Variants in CCSER1 observed in about 807,000 individuals in gnomAD.
CCSER1 encodes the protein serine-rich coiled-coil domain-containing protein 1.
In CCSER1, 41 loss-of-function variants were observed where a neutral mutation model predicts 82.0. That is an observed-to-expected ratio of 0.50 (90% CI 0.39 to 0.65). The LOEUF (loss-of-function observed/expected upper bound fraction) is 0.65. CCSER1 is among the 30% of genes least tolerant of loss of function. The pLI, the probability that CCSER1 is intolerant of heterozygous loss-of-function variation, is 0.00. For synonymous variants in CCSER1, 414 were observed against 383.9 expected (o/e 1.08, Z -0.92); for missense variants, 1,119 against 1,064.2 (o/e 1.05, Z -0.72).
chr4:91,084,683 T>C (rs1008881950), intron 9 of CCSER1, among the ~76,000 whole-genome samples: 1 of 152,142 alleles, frequency 6.6e-6, no homozygotes, highest in Non-Finnish European at 1.5e-5. Flanking sequence ...TAAACTGTTC[T>C]ATAAATTTAG....
At chr4:90,589,147 A>G (rs1782392763) in intron 5 of CCSER1, among the ~76,000 whole-genome samples, 1 of 152,198 alleles carries the variant, frequency 6.6e-6, no homozygotes, top group Non-Finnish European at 1.5e-5. Flanking sequence ...TATATGAGTC[A>G]AAGGGAGAAA....
At chr4:90,589,733 T>A (rs1402627831) in intron 5 of CCSER1, among the ~76,000 whole-genome samples, 2 of 152,162 alleles carry the variant, frequency 1.3e-5, no homozygotes, top group Admixed American at 1.3e-4. Flanking sequence ...AAATAATCAC[T>A]CAAGTTGTTT....
intron 9 of CCSER1, among the ~76,000 whole-genome samples, chr4:91,026,538 A>C (rs542758324): frequency 6.6e-6 from 1 of 152,228 alleles, no homozygotes; most frequent in African/African-American, 2.4e-5. Flanking sequence ...CATTATACCA[A>C]ACTACTTTGA....
At chr4:91,198,592 T>C (rs997766179) in intron 10 of CCSER1, among the ~76,000 whole-genome samples, 14 of 152,090 alleles carry the variant, frequency 9.2e-5, no homozygotes, top group Non-Finnish European at 2.1e-4. Flanking sequence ...ATCTGTGATA[T>C]ATACATCACA....
At chr4:91,118,335 G>C (rs1290265691) in intron 10 of CCSER1, among the ~76,000 whole-genome samples, 1 of 142,794 alleles carries the variant, frequency 7.0e-6, no homozygotes, top group Non-Finnish European at 1.5e-5. Context: ...GCTCAGGCTA[G>C]AGTGTAATGG....
chr4:91,479,116 T>C (rs1757749461), intron 10 of CCSER1, among the ~76,000 whole-genome samples: 1 of 151,400 alleles, frequency 6.6e-6, no homozygotes, highest in Non-Finnish European at 1.5e-5. Context: ...TAAGGATCTA[T>C]TTTGAAATTA....
intron 1 of CCSER1, among the ~76,000 whole-genome samples, chr4:90,228,382 G>C (rs1054337226): frequency 1.3e-5 from 2 of 152,120 alleles, no homozygotes; most frequent in Non-Finnish European, 2.9e-5. Flanking sequence ...TCACAGGGCT[G>C]GGTACTCCAA....
At chr4:91,355,692 T>C (rs1748779187) in intron 10 of CCSER1, among the ~76,000 whole-genome samples, 1 of 152,168 alleles carries the variant, frequency 6.6e-6, no homozygotes, top group African/African-American at 2.4e-5. Flanking sequence ...CGGCCATGCG[T>C]GGACCAGTCA....
At chr4:90,572,867 G>A (rs2148581220) in intron 5 of CCSER1, among the ~76,000 whole-genome samples, 1 of 152,226 alleles carries the variant, frequency 6.6e-6, no homozygotes, top group South Asian at 2.1e-4. Context: ...TGTCTGTTTG[G>A]TAATGTCTTG....
intron 1 of CCSER1, among the ~76,000 whole-genome samples, chr4:90,153,634 C>T (rs1368047656): frequency 6.6e-6 from 1 of 152,026 alleles, no homozygotes; most frequent in East Asian, 1.9e-4. Flanking sequence ...CTCTGATGGC[C>T]AGTGATGGTG....
chr4:90,765,671 C>G (rs1356136451), intron 7 of CCSER1, among the ~76,000 whole-genome samples: 1 of 151,848 alleles, frequency 6.6e-6, no homozygotes, highest in East Asian at 1.9e-4. Flanking sequence ...GCTATGGTTT[C>G]TTTGTTTCAG....
chr4:90,632,929 A>G (rs1227048884), intron 6 of CCSER1, among the ~76,000 whole-genome samples: 1 of 152,078 alleles, frequency 6.6e-6, no homozygotes, highest in African/African-American at 2.4e-5. Flanking sequence ...GTCAGGCTAA[A>G]ATGATTATGT....
intron 3 of CCSER1, among the ~76,000 whole-genome samples, chr4:90,398,861 T>G (rs372688239): frequency 2.3e-4 from 35 of 152,298 alleles, no homozygotes; most frequent in East Asian, 1.5e-3. Context: ...TTTAATAATG[T>G]TTAATTTGAA....
At chr4:90,206,534 C>G (rs920286326) in intron 1 of CCSER1, among the ~76,000 whole-genome samples, 2 of 152,054 alleles carry the variant, frequency 1.3e-5, no homozygotes, top group African/African-American at 2.4e-5. Context: ...ATGCTGAGTT[C>G]TAATTTGATT....
At chr4:90,291,070 A>G (rs1730838638) in intron 1 of CCSER1, among the ~76,000 whole-genome samples, 2 of 133,828 alleles carry the variant, frequency 1.5e-5, no homozygotes, top group South Asian at 4.5e-4. Flanking sequence ...TCAAAGTCAT[A>G]AAAAATAAAA....
chr4:90,806,917 T>A (rs1187593821), intron 7 of CCSER1, among the ~76,000 whole-genome samples: 2 of 152,104 alleles, frequency 1.3e-5, no homozygotes, highest in African/African-American at 4.8e-5. Context: ...TAATAAACTT[T>A]ATGTATCCTT....
intron 3 of CCSER1, among the ~76,000 whole-genome samples, chr4:90,347,014 A>G (rs866861629): frequency 1.3e-5 from 2 of 152,150 alleles, no homozygotes; most frequent in Admixed American, 1.3e-4. Context: ...GGTGAATTCA[A>G]TATGGATAGC....
At chr4:90,392,094 T>G (rs1751269816) in intron 3 of CCSER1, among the ~76,000 whole-genome samples, 1 of 152,012 alleles carries the variant, frequency 6.6e-6, no homozygotes, top group Non-Finnish European at 1.5e-5. Context: ...TTATTTTTGT[T>G]TTTCTTCTCT....
At chr4:90,322,549 C>T (rs1473443825) in intron 3 of CCSER1, among the ~76,000 whole-genome samples, 1 of 152,078 alleles carries the variant, frequency 6.6e-6, no homozygotes, top group African/African-American at 2.4e-5. Flanking sequence ...GGATTGCATT[C>T]AATCTGTAGA....
Sources: allele counts gnomAD v4.1 joint callset (sites outside exome capture counted in the v4.1 genomes callset), GRCh38; gene constraint gnomAD v4.1.1; transcripts MANE v1.5; gene names NCBI Gene and HGNC (gene_info 2026-07-23, HGNC 2026-07-21).